Variants in FGL1 observed in about 807,000 individuals in gnomAD.
The protein encoded by FGL1 is fibrinogen like 1, also known as fibrinogen-like protein 1.
A neutral mutation model predicts 43.7 loss-of-function variants in FGL1; 59 were observed. The observed-to-expected ratio is 1.35, with a 90% CI of 1.10 to 1.68. FGL1 has a LOEUF of 1.68. Ranked by LOEUF, FGL1 falls within the 40% of genes most tolerant of loss-of-function variation. The pLI is 0.00. For missense variants in FGL1, 596 were observed against 373.0 expected, an observed-to-expected ratio of 1.60 and a Z score of -4.92; for synonymous variants, 192 against 126.5, an observed-to-expected ratio of 1.52 and a Z score of -3.48.
At chr8:17,869,723 G>A (rs1352973905) in intron 5 of FGL1, among the ~76,000 whole-genome samples, 1 of 152,182 alleles carries the variant, frequency 6.6e-6, no homozygotes, top group East Asian at 1.9e-4. Flanking sequence ...CAATGGCAGA[G>A]ATGATGATAA....
At chr8:17,873,984 T>A (rs1484264602) in intron 5 of FGL1, 35 bp downstream of exon 5, 2 of 1,459,602 alleles carry the variant, frequency 1.4e-6, no homozygotes, top group Non-Finnish European at 1.8e-6. Context: ...GTTTTTATTA[T>A]ATTTCAAATA....
intron 5 of FGL1, among the ~76,000 whole-genome samples, chr8:17,872,571 G>A (rs1241424896): frequency 1.3e-5 from 2 of 152,150 alleles, no homozygotes; most frequent in Non-Finnish European, 2.9e-5. Flanking sequence ...CCAAAGTGCT[G>A]GGATTACAGG....
At chr8:17,883,690 T>A (rs1035587846) in intron 2 of FGL1, among the ~76,000 whole-genome samples, 17 of 143,756 alleles carry the variant, frequency 1.2e-4, no homozygotes, top group East Asian at 3.9e-4. Context: ...ATATATATAT[T>A]TTTTATATAT....
chr8:17,874,057 C>CA lies in FGL1; in HGVS notation c.463dup (p.Trp155LeufsTer5). The CA allele has an allele frequency of 6.2e-7, 1 of 1,611,350 alleles. No homozygotes were observed. Among genetic ancestry groups the CA allele is most frequent in the Middle Eastern group, 1.7e-4 (1 of 6,056 alleles). The stretch of plus-strand genomic sequence containing the variant: ...GAAGTGAAGATTTTTATTGCCCAGC[C>CA]AATATTCACCATGTTTTTGGACAAA... On this transcript the variant is annotated frameshift_variant, in exon 5 of 8. Transcript: ENST00000427924. LOFTEE classifies it high-confidence loss of function.
intron 1 of FGL1, among the ~76,000 whole-genome samples, chr8:17,887,800 A>G (rs973566495): frequency 6.6e-5 from 10 of 150,828 alleles, no homozygotes; most frequent in Non-Finnish European, 1.3e-4. Context: ...ACGCCACTGC[A>G]CTCCAGCCCA....
chr8:17,874,153 T>C, intron 4 of FGL1, 37 bp from the exon 5 acceptor site: 4 of 1,555,840 alleles, frequency 2.6e-6, no homozygotes, highest in Admixed American at 1.7e-5. Context: ...TAGAGCAAAC[T>C]CCATTTGTGG....
At chr8:17,895,122 T>A (rs1056314496) in intron 1 of FGL1, 10 of 232,418 alleles carry the variant, frequency 4.3e-5, no homozygotes, top group African/African-American at 2.1e-4. Context: ...TTATACATAT[T>A]TAGAAAGTCA....
intron 7 of FGL1, among the ~76,000 whole-genome samples, chr8:17,866,465 G>A (rs1377448202): frequency 1.3e-5 from 2 of 152,272 alleles, no homozygotes; most frequent in South Asian, 2.1e-4. Context: ...GATGATAGTC[G>A]AACTCACTGA....
chr8:17,871,156 G>A (rs1167329542), intron 5 of FGL1, among the ~76,000 whole-genome samples: 1 of 152,072 alleles, frequency 6.6e-6, no homozygotes, highest in Non-Finnish European at 1.5e-5. Flanking sequence ...ACTGTAGAGT[G>A]TATAAGAGCA....
intron 3 of FGL1, among the ~76,000 whole-genome samples, chr8:17,878,005 C>T (rs2053481674): frequency 6.6e-6 from 1 of 152,064 alleles, no homozygotes; most frequent in East Asian, 1.9e-4. Flanking sequence ...CTCTGTTACC[C>T]AGGCAGGTTG....
rs1178110233 is a variant in FGL1 at position 17,874,394 on chromosome 8, C to T, written c.372G>A (p.Gln124=). The part of the protein sequence containing the change: ...MSDGGGWTVI[Q]RRSDGSENFN... Reference sequence around the variant, plus strand: ...AGTTTTCACTGCCATCAGATCGTCTCTGAATTACAGTCCATCCTCCTCCAT... The same window carrying T: ...AGTTTTCACTGCCATCAGATCGTCTTTGAATTACAGTCCATCCTCCTCCAT... Residue 124 remains glutamine (Q), a synonymous_variant, in exon 4 of 8, where the codon CAG becomes CAA. Transcript: ENST00000427924. 2.5e-6 allele frequency: 4 copies of T among 1,613,910 alleles called. No individual in the cohort carries two copies. The highest frequency in any genetic ancestry group is 3.4e-6 in the Non-Finnish European group (4 of 1,179,966).
At chr8:17,891,098 T>C (rs962089406) in intron 1 of FGL1, among the ~76,000 whole-genome samples, 2 of 152,194 alleles carry the variant, frequency 1.3e-5, no homozygotes, top group Non-Finnish European at 2.9e-5. Context: ...CCAACCGCCC[T>C]GTACAATGTA....
At chr8:17,884,187 T>TTCTCTC (rs34589693) in intron 2 of FGL1, among the ~76,000 whole-genome samples, 14 of 145,672 alleles carry the variant, frequency 9.6e-5, no homozygotes, top group African/African-American at 3.5e-4. Flanking sequence ...GGATGATTCC[T>TTCTCTC]TCTCTCTCTC....
intron 3 of FGL1, among the ~76,000 whole-genome samples, chr8:17,879,194 A>G (rs1026645852): frequency 1.3e-5 from 2 of 151,862 alleles, no homozygotes; most frequent in African/African-American, 4.8e-5. Context: ...TATATTTATA[A>G]TAATTATAAT....
chr8:17,873,377 A>G lies in FGL1; in HGVS notation c.502+642T>C, dbSNP rs1446754550. Among the ~76,000 whole-genome samples, 5 of 152,150 alleles carry G rather than the reference A, an allele frequency of 3.3e-5. No individual in the cohort carries two copies. The East Asian group carries it at 7.7e-4, about 23-fold the overall frequency. On this transcript the variant is annotated intron_variant, in intron 5 of 7. Coordinates refer to ENST00000427924, the MANE Select transcript of FGL1 (RefSeq NM_004467.4). ...CTATGGAGCCAGGTTGAATCCTTCCATCCCAGAGCAGCAACTTCAGTGAGG... is the reference window on the plus strand; with the variant it reads ...CTATGGAGCCAGGTTGAATCCTTCCGTCCCAGAGCAGCAACTTCAGTGAGG...
intron 6 of FGL1, 73 bp downstream of exon 6, chr8:17,868,843 C>G (rs887609179): frequency 6.9e-7 from 1 of 1,457,600 alleles, no homozygotes; most frequent in African/African-American, 1.4e-5. Context: ...ATTTTTATTT[C>G]CACTGACTCC....
chr8:17,873,740 T>A (rs954962692), intron 5 of FGL1, among the ~76,000 whole-genome samples: 3 of 149,908 alleles, frequency 2.0e-5, no homozygotes, highest in African/African-American at 7.3e-5. Context: ...ACATATATAC[T>A]ATGTATAGAA....
intron 1 of FGL1, among the ~76,000 whole-genome samples, chr8:17,886,825 G>A (rs747985561): frequency 3.0e-4 from 45 of 151,858 alleles, no homozygotes; most frequent in Non-Finnish European, 5.4e-4. Flanking sequence ...AGAAGTAGGG[G>A]AATTGGCAAA....
At chr8:17,891,550 C>A (rs2053705192) in intron 1 of FGL1, 2 of 316,708 alleles carry the variant, frequency 6.3e-6, no homozygotes. Flanking sequence ...GTACAAAGAC[C>A]CTATTTGCAA....
Sources: gnomAD v4.1 joint callset for allele counts (sites outside exome capture counted in the v4.1 genomes callset) on GRCh38, gnomAD v4.1.1 for gene constraint, MANE v1.5 for transcripts, NCBI Gene and HGNC (gene_info 2026-07-23, HGNC 2026-07-21) for gene names.